The following MMP16 variants were observed in gnomAD, a reference collection of about 807,000 sequenced individuals.
The protein encoded by MMP16 is matrix metallopeptidase 16.
In MMP16, 12 loss-of-function variants were observed where a neutral mutation model predicts 67.8. The observed-to-expected ratio is 0.18, with a 90% confidence interval of 0.11 to 0.29. The LOEUF (loss-of-function observed/expected upper bound fraction) is 0.29, where lower values mean the gene tolerates loss of function less well. Ranked by LOEUF, MMP16 falls within the 10% of genes least tolerant of loss-of-function variation. MMP16 has a pLI of 1.00. For synonymous variants in MMP16, 249 were observed against 255.9 expected (o/e 0.97, Z 0.26); for missense variants, 475 against 765.7 (o/e 0.62, Z 4.48).
At chr8:88,091,735 C>T (rs1333321001) in intron 6 of MMP16, among the ~76,000 whole-genome samples, 1 of 151,796 alleles carries the variant, frequency 6.6e-6, no homozygotes, top group Non-Finnish European at 1.5e-5. Context: ...AAAATTAATT[C>T]TCTAGATTTG....
chr8:88,171,924 T>A (rs1808810648), intron 3 of MMP16, among the ~76,000 whole-genome samples: 2 of 151,980 alleles, frequency 1.3e-5, no homozygotes, highest in Non-Finnish European at 2.9e-5. Context: ...CCTCCTGGGT[T>A]CCAGCAATTA....
intron 1 of MMP16, among the ~76,000 whole-genome samples, chr8:88,304,768 G>C (rs1811187783): frequency 2.0e-5 from 3 of 152,272 alleles, no homozygotes; most frequent in South Asian, 4.1e-4. Context: ...ATCATCATGA[G>C]GCCTGCCTCA....
chr8:88,191,960 C>T (rs1016727357), intron 2 of MMP16, among the ~76,000 whole-genome samples: 10 of 152,128 alleles, frequency 6.6e-5, no homozygotes, highest in Non-Finnish European at 1.3e-4. Flanking sequence ...AAAATGACTG[C>T]CAAATACATA....
At chr8:88,065,595 TATAACTTTTTATAC>T (rs1372181596) in intron 7 of MMP16, among the ~76,000 whole-genome samples, 14 of 152,126 alleles carry the variant, frequency 9.2e-5, no homozygotes, top group Admixed American at 9.2e-4. Flanking sequence ...CTTAATCTAG[TATAACTTTTTATAC>T]ATCAATCTTC....
chr8:88,164,949 A>C (rs1009459705), intron 4 of MMP16, among the ~76,000 whole-genome samples: 1 of 151,904 alleles, frequency 6.6e-6, no homozygotes, highest in Non-Finnish European at 1.5e-5. Flanking sequence ...ACACATAAGC[A>C]TTCTAAGCAC....
chr8:88,077,843 T>G (rs1808676493), intron 6 of MMP16, among the ~76,000 whole-genome samples: 1 of 152,226 alleles, frequency 6.6e-6, no homozygotes, highest in Non-Finnish European at 1.5e-5. Flanking sequence ...AAGGTATATG[T>G]TTAGCACATA....
At chr8:88,246,568 T>C (rs905740487) in intron 1 of MMP16, among the ~76,000 whole-genome samples, 1 of 152,192 alleles carries the variant, frequency 6.6e-6, no homozygotes, top group Admixed American at 6.5e-5. Flanking sequence ...TGATAAATAC[T>C]ACCCAGCCCA....
chr8:88,164,326 C>A (rs1808677820), intron 4 of MMP16, among the ~76,000 whole-genome samples: 1 of 151,966 alleles, frequency 6.6e-6, no homozygotes, highest in Non-Finnish European at 1.5e-5. Context: ...AAAAGTTTAT[C>A]CATGAAGATG....
chr8:88,217,577 T>C (rs531470629), intron 1 of MMP16, among the ~76,000 whole-genome samples: 1 of 152,156 alleles, frequency 6.6e-6, no homozygotes, highest in South Asian at 2.1e-4. Context: ...ATCTTAAACC[T>C]ACTCAGTTAT....
intron 8 of MMP16, among the ~76,000 whole-genome samples, chr8:88,052,197 T>C (rs932783235): frequency 1.8e-4 from 27 of 152,148 alleles, no homozygotes; most frequent in African/African-American, 6.3e-4. Context: ...ACTTGGTGTA[T>C]AAATAGGCAC....
At chr8:88,241,690 T>C (rs1441105813) in intron 1 of MMP16, among the ~76,000 whole-genome samples, 1 of 152,108 alleles carries the variant, frequency 6.6e-6, no homozygotes, top group Non-Finnish European at 1.5e-5. Flanking sequence ...CATGTACTTA[T>C]CACTTTTTGG....
chr8:88,164,529 T>C (rs1808680712), intron 4 of MMP16, among the ~76,000 whole-genome samples: 1 of 152,034 alleles, frequency 6.6e-6, no homozygotes, highest in Non-Finnish European at 1.5e-5. Context: ...GGTTAAAAGT[T>C]TGAATTTCAA....
At chr8:88,278,527 T>A (rs1039012983) in intron 1 of MMP16, among the ~76,000 whole-genome samples, 1 of 152,170 alleles carries the variant, frequency 6.6e-6, no homozygotes, top group African/African-American at 2.4e-5. Flanking sequence ...GGAAGACACA[T>A]CAAGCTTATA....
chr8:88,250,914 C>T (rs1051032266), intron 1 of MMP16, among the ~76,000 whole-genome samples: 3 of 150,842 alleles, frequency 2.0e-5, no homozygotes, highest in African/African-American at 7.3e-5. Flanking sequence ...TCTCCCAATG[C>T]TATCCCTCCC....
At chr8:88,099,445 G>A (rs116260370) in intron 6 of MMP16, among the ~76,000 whole-genome samples, 1,566 of 151,772 alleles carry the variant, frequency 0.01, 27 homozygotes, top group African/African-American at 0.029. Flanking sequence ...CAAAAAATTC[G>A]TCCTAAAATG....
intron 1 of MMP16, among the ~76,000 whole-genome samples, chr8:88,321,654 T>G (rs1309491890): frequency 6.6e-6 from 1 of 152,192 alleles, no homozygotes; most frequent in African/African-American, 2.4e-5. Flanking sequence ...ATCTGAACTA[T>G]CTACCTTTGT....
chr8:88,201,185 G>A (rs566922485), intron 1 of MMP16, among the ~76,000 whole-genome samples: 2 of 148,074 alleles, frequency 1.4e-5, no homozygotes, highest in South Asian at 4.3e-4. Context: ...AAGTGAATAG[G>A]TGATTAAACT....
At chr8:88,232,066 C>G (rs899501189) in intron 1 of MMP16, among the ~76,000 whole-genome samples, 1 of 152,024 alleles carries the variant, frequency 6.6e-6, no homozygotes, top group Non-Finnish European at 1.5e-5. Flanking sequence ...GGGAGGCAAT[C>G]GAGAGGTTAT....
intron 1 of MMP16, among the ~76,000 whole-genome samples, chr8:88,314,997 G>A (rs1811355466): frequency 6.6e-6 from 1 of 152,194 alleles, no homozygotes; most frequent in Non-Finnish European, 1.5e-5. Context: ...GCAGCAAGTT[G>A]AGATAATCCT....
Sources: gnomAD v4.1 joint callset for allele counts (sites outside exome capture counted in the v4.1 genomes callset) on GRCh38, gnomAD v4.1.1 for gene constraint, MANE v1.5 for transcripts, NCBI Gene and HGNC (gene_info 2026-07-23, HGNC 2026-07-21) for gene names.